RORA: variants seen among roughly 807,000 people sequenced by gnomAD.
RORA encodes RAR related orphan receptor A.
A neutral mutation model predicts 69.5 loss-of-function variants in RORA; 7 were observed. The ratio of observed to expected loss-of-function variants is 0.10; its 90% CI spans 0.06 to 0.19. The LOEUF is 0.19. RORA is among the 10% of genes least tolerant of loss of function. RORA has a pLI of 1.00. For synonymous variants in RORA, 261 were observed against 240.8 expected, an observed-to-expected ratio of 1.08 and a Z score of -0.78; for missense variants, 457 against 663.0, an observed-to-expected ratio of 0.69 and a Z score of 3.41.
chr15:61,006,157 C>T (rs763841970), intron 1 of RORA, among the ~76,000 whole-genome samples: 3 of 151,762 alleles, frequency 2.0e-5, no homozygotes, highest in Non-Finnish European at 4.4e-5. Context: ...TTAGTAGAGA[C>T]GGGATTTCAC....
intron 1 of RORA, among the ~76,000 whole-genome samples, chr15:60,945,250 C>T (rs1057371905): frequency 6.6e-6 from 1 of 152,192 alleles, no homozygotes; most frequent in African/African-American, 2.4e-5. Context: ...TCTCATCTCT[C>T]TTTTTAAAGG....
intron 1 of RORA, among the ~76,000 whole-genome samples, chr15:61,211,593 A>G (rs1034876768): frequency 6.6e-6 from 1 of 152,216 alleles, no homozygotes; most frequent in African/African-American, 2.4e-5. Flanking sequence ...CAAATAATTC[A>G]TATGACACAT....
At chr15:60,994,900 G>C (rs1041884978) in intron 1 of RORA, among the ~76,000 whole-genome samples, 1 of 152,050 alleles carries the variant, frequency 6.6e-6, no homozygotes, top group African/African-American at 2.4e-5. Context: ...ATATTCTATT[G>C]GGGCATTGGG....
chr15:61,149,293 C>T (rs1303615798), intron 1 of RORA, among the ~76,000 whole-genome samples: 1 of 152,126 alleles, frequency 6.6e-6, no homozygotes, highest in African/African-American at 2.4e-5. Flanking sequence ...TGTCTCTGTG[C>T]CTAGCAGCTC....
chr15:60,873,239 GTGTGTGTGTCTGTGTGTGTGTGTC>G (rs1220905765), intron 1 of RORA, among the ~76,000 whole-genome samples: 2 of 1,704 alleles, frequency 1.2e-3, no homozygotes, highest in Admixed American at 6.0e-3. Flanking sequence ...GTGTGTGTGT[GTGTGTGTGTCTGTGTGTGTGTGTC>G]TGTGTGTGTG....
At chr15:61,113,910 C>G (rs1465274485) in intron 1 of RORA, among the ~76,000 whole-genome samples, 1 of 152,146 alleles carries the variant, frequency 6.6e-6, no homozygotes, top group African/African-American at 2.4e-5. Flanking sequence ...ATGACAGCCA[C>G]GAATAGCTGT....
chr15:60,899,586 A>G (rs1891328093), intron 1 of RORA, among the ~76,000 whole-genome samples: 1 of 152,230 alleles, frequency 6.6e-6, no homozygotes, highest in South Asian at 2.1e-4. Context: ...GTTGACAGAT[A>G]TCTGATCCAA....
intron 2 of RORA, among the ~76,000 whole-genome samples, chr15:60,603,694 A>G (rs773623648): frequency 2.6e-5 from 4 of 152,378 alleles, no homozygotes; most frequent in Admixed American, 1.3e-4. Context: ...CAACAGCAGT[A>G]TAACTCATGG....
rs548060414 is a variant in RORA at position 60,611,967 on chromosome 15, T to A, written c.196+66690A>T. Among the ~76,000 whole-genome samples, 346 of 152,304 alleles carry A rather than the reference T, an allele frequency of 2.3e-3. 1 individual carries two copies. The highest frequency in any genetic ancestry group is 4.5e-3 in the Admixed American group (69 of 15,298). The stretch of plus-strand genomic sequence containing the variant: ...TTCAACCCCACATTAAAGGTGCTGA[T>A]GTTTCATCCTAGTCCTACCAGCCAA... On this transcript the variant is annotated intron_variant, in intron 2 of 10. Transcript: ENST00000335670.
chr15:60,927,587 A>G (rs1345380117), intron 1 of RORA, among the ~76,000 whole-genome samples: 1 of 152,158 alleles, frequency 6.6e-6, no homozygotes, highest in Non-Finnish European at 1.5e-5. Context: ...AGCCTAGCCA[A>G]CATGGTGAAA....
intron 1 of RORA, among the ~76,000 whole-genome samples, chr15:60,978,344 TA>T (rs1186276958): frequency 6.6e-6 from 1 of 152,194 alleles, no homozygotes; most frequent in African/African-American, 2.4e-5. Context: ...ACCCTTTGCC[TA>T]TTTTATTTTA....
At chr15:61,196,276 C>T (rs1026462129) in intron 1 of RORA, among the ~76,000 whole-genome samples, 3 of 151,996 alleles carry the variant, frequency 2.0e-5, no homozygotes, top group African/African-American at 7.2e-5. Flanking sequence ...GCTGCAATAT[C>T]AGACTATCAT....
intron 1 of RORA, among the ~76,000 whole-genome samples, chr15:61,021,489 C>T (rs1355194817): frequency 6.6e-6 from 1 of 152,148 alleles, no homozygotes; most frequent in East Asian, 1.9e-4. Flanking sequence ...TACAATAACT[C>T]TGAGGCAAGA....
chr15:60,546,269 T>G (rs1419994366), intron 2 of RORA: 1 of 152,222 alleles, frequency 6.6e-6, no homozygotes, highest in Admixed American at 6.5e-5. Context: ...TTCCAGGGAT[T>G]TGATTTAGGA....
intron 2 of RORA, among the ~76,000 whole-genome samples, chr15:60,661,079 TTA>T (rs1447053454): frequency 2.8e-5 from 2 of 70,654 alleles, no homozygotes; most frequent in South Asian, 1.1e-3. Context: ...AATAGAGGAG[TTA>T]TTTTTTTTTT....
At chr15:60,695,012 T>C (rs768693987) in intron 1 of RORA, among the ~76,000 whole-genome samples, 1 of 152,154 alleles carries the variant, frequency 6.6e-6, no homozygotes, top group Non-Finnish European at 1.5e-5. Context: ...GACTGCATAA[T>C]TGTTCTTGCT....
chr15:61,178,675 G>A (rs887034033), intron 1 of RORA, among the ~76,000 whole-genome samples: 5 of 151,876 alleles, frequency 3.3e-5, no homozygotes, highest in Non-Finnish European at 7.4e-5. Flanking sequence ...TACTCTATGT[G>A]AAGAAACAAA....
At chr15:60,642,515 G>C (rs2069961580) in intron 2 of RORA, among the ~76,000 whole-genome samples, 2 of 152,160 alleles carry the variant, frequency 1.3e-5, no homozygotes, top group African/African-American at 4.8e-5. Flanking sequence ...CAAGTAAACT[G>C]CTAGTCAGCT....
At chr15:61,211,284 CAAA>C (rs58967697) in intron 1 of RORA, among the ~76,000 whole-genome samples, 7 of 93,224 alleles carry the variant, frequency 7.5e-5, no homozygotes, top group Non-Finnish European at 6.6e-5. Context: ...AAAACAACAG[CAAA>C]AAAAAAAAAA....
Sources: gnomAD v4.1 joint callset for allele counts (sites outside exome capture counted in the v4.1 genomes callset) on GRCh38, gnomAD v4.1.1 for gene constraint, MANE v1.5 for transcripts, NCBI Gene and HGNC (gene_info 2026-07-23, HGNC 2026-07-21) for gene names.